The following DPYSL2 variants were observed in gnomAD, a reference collection of about 807,000 sequenced individuals.
DPYSL2 encodes the protein dihydropyrimidinase-related protein 2.
A neutral mutation model predicts 69.9 loss-of-function variants in DPYSL2; 13 were observed. The ratio of observed to expected loss-of-function variants is 0.19; its 90% CI spans 0.12 to 0.30. The LOEUF (loss-of-function observed/expected upper bound fraction) is 0.30. Among genes scored for constraint, DPYSL2 ranks in the 10% least tolerant of loss-of-function variants. The probability of loss-of-function intolerance (pLI) is 1.00; values close to 1 mark genes in which losing one functional copy is unlikely to be tolerated. For missense variants in DPYSL2, 587 were observed against 918.9 expected, an observed-to-expected ratio of 0.64 and a Z score of 4.67; for synonymous variants, 326 against 359.1, an observed-to-expected ratio of 0.91 and a Z score of 1.04.
At chr8:26,556,648 CATAG>C (rs1468683128) in intron 1 of DPYSL2, among the ~76,000 whole-genome samples, 1 of 151,298 alleles carries the variant, frequency 6.6e-6, no homozygotes, top group African/African-American at 2.4e-5. Context: ...TTTTTGTGTT[CATAG>C]ATAGATGGAT....
rs1025053545 is a variant in DPYSL2, at chr8:26,610,314, C to T, written c.629-13829C>T. On this transcript the variant is annotated intron_variant, in intron 3 of 13. Transcript: ENST00000521913. The surrounding 1 kb of genome is among the most constrained non-coding windows in gnomAD (Gnocchi z 4.5). ...GTTCCTGATACATTCTGTTGGGATA[C>T]AGTCCATTTGATAGGAAGGTTGTTT... Among the ~76,000 whole-genome samples the T allele has an allele frequency of 1.7e-4, 26 of 152,206 alleles. No homozygotes were observed. Among genetic ancestry groups the T allele is most frequent in the African/African-American group, 6.3e-4 (26 of 41,436 alleles).
chr8:26,652,829 T>C lies in DPYSL2; in HGVS notation c.1776+393T>C, dbSNP rs893555930. On this transcript the variant is annotated intron_variant, in intron 12 of 13. Transcript: ENST00000521913. The surrounding 1 kb of genome is among the most constrained non-coding windows in gnomAD (Gnocchi z 6.3). Reference sequence around the variant, plus strand: ...AAGAGTATCATGAGCATAGAAAATGTACAGTGTATTCAGGGCATGTGAAGC... The same window carrying C: ...AAGAGTATCATGAGCATAGAAAATGCACAGTGTATTCAGGGCATGTGAAGC... 6.6e-6 allele frequency among the ~76,000 whole-genome samples: 1 copy of C among 152,162 alleles called. No homozygotes were observed. Among genetic ancestry groups the C allele is most frequent in the African/African-American group, 2.4e-5 (1 of 41,434 alleles).
At chr8:26,579,127 T>C (rs1801427081) in intron 1 of DPYSL2, among the ~76,000 whole-genome samples, 1 of 152,218 alleles carries the variant, frequency 6.6e-6, no homozygotes, top group Admixed American at 6.5e-5. Flanking sequence ...GGCCGGGCGC[T>C]AATGGCGCTG....
chr8:26,594,601 T>C (rs1801816686), intron 3 of DPYSL2, among the ~76,000 whole-genome samples: 1 of 152,224 alleles, frequency 6.6e-6, no homozygotes, highest in African/African-American at 2.4e-5. Context: ...TCTATATCTA[T>C]TGATTATCAC....
At chr8:26,529,299 CT>C (rs200968746) in intron 1 of DPYSL2, among the ~76,000 whole-genome samples, 1,684 of 149,494 alleles carry the variant, frequency 0.011, 42 homozygotes, top group African/African-American at 0.038. Flanking sequence ...ATCTATCTAT[CT>C]ATCATCTATC....
intron 1 of DPYSL2, among the ~76,000 whole-genome samples, chr8:26,532,784 T>TACCTG (rs1468732358): frequency 2.0e-5 from 3 of 152,194 alleles, no homozygotes; most frequent in Non-Finnish European, 4.4e-5. Flanking sequence ...TGACAGGTAG[T>TACCTG]TGGGTTGTTT....
chr8:26,545,510 G>A (rs1018996901), intron 1 of DPYSL2, among the ~76,000 whole-genome samples: 3 of 152,138 alleles, frequency 2.0e-5, no homozygotes, highest in African/African-American at 7.2e-5. Flanking sequence ...CAGGTGGGCA[G>A]ATCACTTGAG....
At chr8:26,515,331 GTGGGGAACAAAGT>G (rs1283369766) in intron 1 of DPYSL2, among the ~76,000 whole-genome samples, 1 of 152,222 alleles carries the variant, frequency 6.6e-6, no homozygotes, top group Non-Finnish European at 1.5e-5. Context: ...AATAGCCTAT[GTGGGGAACAAAGT>G]TCCAATAAGT....
At chr8:26,638,174 C>T (rs950012090) in intron 8 of DPYSL2, among the ~76,000 whole-genome samples, 2 of 152,168 alleles carry the variant, frequency 1.3e-5, no homozygotes, top group Admixed American at 1.3e-4. Context: ...TGGTCCCAAC[C>T]ACAGTTAGCT....
chr8:26,570,690 C>T (rs1482427885), intron 1 of DPYSL2, among the ~76,000 whole-genome samples: 16 of 145,558 alleles, frequency 1.1e-4, no homozygotes, highest in Non-Finnish European at 2.1e-4. Context: ...GTTGAGATCA[C>T]GCCACTGCAC....
rs960420796 is a variant in DPYSL2, at chr8:26,648,073, C to T, written c.1596+273C>T. The stretch of plus-strand genomic sequence containing the variant: ...GCCTCTAAAGTGATGTCAGGATGTG[C>T]AAAGCTTCCAGAAGTCAGGCACCGC... On this transcript the variant is annotated intron_variant, in intron 11 of 13. Coordinates refer to ENST00000521913, the MANE Select transcript of DPYSL2 (RefSeq NM_001197293.3). This position sits in a 1 kb window ranked among gnomAD's most constrained non-coding sequence, Gnocchi z 4.3. Among the ~76,000 whole-genome samples, 4 of 152,104 alleles carry T rather than the reference C, an allele frequency of 2.6e-5. No homozygotes were observed. The highest frequency in any genetic ancestry group is 9.7e-5 in the African/African-American group (4 of 41,420).
chr8:26,636,354 G>A (rs961950081), intron 8 of DPYSL2, among the ~76,000 whole-genome samples: 4 of 152,196 alleles, frequency 2.6e-5, no homozygotes, highest in African/African-American at 2.4e-5. Context: ...CTGCCCCCAC[G>A]TAGTGTGGGG....
intron 1 of DPYSL2, among the ~76,000 whole-genome samples, chr8:26,546,781 C>T (rs1800775714): frequency 6.6e-6 from 1 of 151,474 alleles, no homozygotes; most frequent in Non-Finnish European, 1.5e-5. Context: ...ATTAGCCGGG[C>T]GTGGTGGCGG....
intron 3 of DPYSL2, among the ~76,000 whole-genome samples, chr8:26,592,905 C>G (rs1370725479): frequency 2.0e-5 from 3 of 151,978 alleles, no homozygotes; most frequent in Admixed American, 2.0e-4. Flanking sequence ...TTTTCCTCTT[C>G]CTCCCCAAGC....
chr8:26,630,192 A>G (rs1236806638), intron 7 of DPYSL2, among the ~76,000 whole-genome samples: 3 of 152,214 alleles, frequency 2.0e-5, no homozygotes, highest in Non-Finnish European at 2.9e-5. Flanking sequence ...GCACACACCT[A>G]TGCAGGCACC....
rs2129995975 is a variant in DPYSL2 at position 26,652,111 on chromosome 8, G to T, written c.1597-146G>T. 3 of 596,646 alleles carry T rather than the reference G, an allele frequency of 5.0e-6. No individual in the cohort carries two copies. The East Asian group carries it at 9.3e-5, about 18-fold the overall frequency. The allele number at this position is 596,646 out of a possible 1,614,324, so 37.0% of individuals were successfully genotyped here. On this transcript the variant is annotated intron_variant, in intron 11 of 13. Coordinates refer to ENST00000521913, the MANE Select transcript of DPYSL2 (RefSeq NM_001197293.3). This position sits in a 1 kb window ranked among gnomAD's most constrained non-coding sequence, Gnocchi z 6.3. ...AGGGAAATGGAGACACAGCAAGTAA[G>T]TGCCTGCTGGGGTGCCCAGTTGGGA... is the stretch of plus-strand genomic sequence containing the variant.
intron 1 of DPYSL2, chr8:26,548,208 G>T: frequency 4.2e-6 from 1 of 236,546 alleles, no homozygotes; most frequent in South Asian, 6.9e-5. Flanking sequence ...GAGATGCTGT[G>T]GCCAAGGCCT....
chr8:26,552,792 A>G (rs1395932765), intron 1 of DPYSL2, among the ~76,000 whole-genome samples: 2 of 152,242 alleles, frequency 1.3e-5, no homozygotes, highest in Non-Finnish European at 2.9e-5. Context: ...TCATGAGTGC[A>G]GAGCCCTCAT....
rs1342174225 is a variant in DPYSL2 at position 26,624,139 on chromosome 8, C to A, written c.629-4C>A. Reference sequence around the variant, plus strand: ...GATGATGACATATGTCTGTTTCTTTCTAGTTGACCACGTTGTTCCTGAGCC... The same window carrying A: ...GATGATGACATATGTCTGTTTCTTTATAGTTGACCACGTTGTTCCTGAGCC... On this transcript the variant is annotated splice_polypyrimidine_tract_variant and splice_region_variant and intron_variant, in intron 3 of 13. Coordinates refer to ENST00000521913, the MANE Select transcript of DPYSL2 (RefSeq NM_001197293.3). The surrounding 1 kb of genome is among the most constrained non-coding windows in gnomAD (Gnocchi z 4.7). The A allele has an allele frequency of 6.2e-6, 10 of 1,614,100 alleles. No individual in the cohort carries two copies. The highest frequency in any genetic ancestry group is 6.8e-6 in the Non-Finnish European group (8 of 1,179,990).
Sources: allele counts gnomAD v4.1 joint callset (sites outside exome capture counted in the v4.1 genomes callset), GRCh38; gene constraint gnomAD v4.1.1; non-coding constraint Gnocchi (gnomAD v3.1); transcripts MANE v1.5; gene names NCBI Gene and HGNC (gene_info 2026-07-23, HGNC 2026-07-21).